Variants in ZNF717 observed in about 807,000 individuals in gnomAD.
ZNF717 encodes krueppel-like factor X17.
A neutral mutation model predicts 13.8 loss-of-function variants in ZNF717; 9 were observed. The observed-to-expected ratio is 0.65, with a 90% confidence interval of 0.39 to 1.14. The LOEUF (loss-of-function observed/expected upper bound fraction) is 1.14. Ranked by LOEUF, ZNF717 falls within the 50% of genes most tolerant of loss-of-function variation. The probability of loss-of-function intolerance (pLI) is 0.01; values close to 1 mark genes in which losing one functional copy is unlikely to be tolerated. For synonymous variants in ZNF717, 327 were observed against 364.1 expected (o/e 0.90, Z 1.16); for missense variants, 1,040 against 1,080.7 (o/e 0.96, Z 0.53).
chr3:75,732,586 G>A (rs568722841), downstream of ZNF717, among the ~76,000 whole-genome samples: 563 of 152,020 alleles, frequency 3.7e-3, 1 homozygote, highest in South Asian at 6.0e-3. Context: ...AACATGAGAG[G>A]ACATATAGCT....
intron 4 of ZNF717, among the ~76,000 whole-genome samples, chr3:75,739,845 C>T (rs1188082291): frequency 6.6e-6 from 1 of 152,148 alleles, no homozygotes; most frequent in African/African-American, 2.4e-5. Context: ...CAGGATTTTG[C>T]CTATATGTTA....
chr3:75,758,179 T>C (rs1385970787), intron 2 of ZNF717, among the ~76,000 whole-genome samples: 1 of 148,730 alleles, frequency 6.7e-6, no homozygotes, highest in Admixed American at 6.7e-5. Flanking sequence ...CCCTCACAGA[T>C]GACACTGAGG....
intron 2 of ZNF717, among the ~76,000 whole-genome samples, chr3:75,774,019 C>T (rs1277640170): frequency 6.6e-6 from 1 of 152,018 alleles, no homozygotes; most frequent in Non-Finnish European, 1.5e-5. Flanking sequence ...CATTGCACTC[C>T]AGCCTGGGCA....
chr3:75,764,236 G>C (rs1257857063), intron 2 of ZNF717, among the ~76,000 whole-genome samples: 3 of 152,152 alleles, frequency 2.0e-5, no homozygotes, highest in African/African-American at 7.2e-5. Flanking sequence ...GCTACATGTA[G>C]GTTCCTTGGG....
downstream of ZNF717, among the ~76,000 whole-genome samples, chr3:75,707,086 C>T (rs1342186181): frequency 2.0e-5 from 3 of 152,308 alleles, no homozygotes; most frequent in African/African-American, 7.2e-5. Context: ...GTCACATTTA[C>T]TGCCTGAAGT....
At chr3:75,733,062 T>TA (rs112236867), downstream of ZNF717, among the ~76,000 whole-genome samples, 320 of 150,586 alleles carry the variant, frequency 2.1e-3, no homozygotes, top group African/African-American at 6.2e-3. Context: ...ACAGTAGAGA[T>TA]AAAAAAAATA....
intron 2 of ZNF717, among the ~76,000 whole-genome samples, chr3:75,755,149 A>C (rs1942356443): frequency 6.6e-6 from 1 of 152,220 alleles, no homozygotes; most frequent in African/African-American, 2.4e-5. Context: ...AAAAATAAAA[A>C]TTCAAGAAAC....
Position 75,770,380 on chromosome 3 carries a change from G to C in ZNF717, c.57+12926C>G, listed in dbSNP as rs147027845. ...GTTCGAGACCACCCTGATCAAAACAGAGAAACCCCATCTCTACTAAAAATA... is the reference window on the plus strand; with the variant it reads ...GTTCGAGACCACCCTGATCAAAACACAGAAACCCCATCTCTACTAAAAATA... On this transcript the variant is annotated intron_variant, in intron 2 of 4. Coordinates refer to ENST00000652011, the MANE Select transcript of ZNF717 (RefSeq NM_001290208.3). Among the ~76,000 whole-genome samples the C allele has an allele frequency of 1.0e-3, 157 of 152,194 alleles. 2 individuals are homozygous for C. Among genetic ancestry groups the C allele is most frequent in the African/African-American group, 3.4e-3 (142 of 41,528 alleles).
chr3:75,745,892 A>G (rs1353958533), intron 2 of ZNF717, among the ~76,000 whole-genome samples: 2 of 151,378 alleles, frequency 1.3e-5, no homozygotes, highest in Non-Finnish European at 2.9e-5. Flanking sequence ...TTTTTATTAT[A>G]CTTTAAGATC....
intron 3 of ZNF717, 116 bp from the exon 4 acceptor site, chr3:75,741,484 T>C: frequency 7.4e-7 from 1 of 1,354,744 alleles, no homozygotes; most frequent in East Asian, 2.5e-5. Context: ...GAACATTTCA[T>C]TAGAGTAGTG....
chr3:75,716,639 G>A (rs902311575), intron 4 of ZNF717: 2 of 152,104 alleles, frequency 1.3e-5, no homozygotes, highest in Non-Finnish European at 2.9e-5. Flanking sequence ...ACTGGTTCTG[G>A]GAGTAATTCC....
At chr3:75,721,976 G>A (rs80135401) in intron 4 of ZNF717, among the ~76,000 whole-genome samples, 3 of 151,868 alleles carry the variant, frequency 2.0e-5, no homozygotes, top group African/African-American at 7.3e-5. Context: ...TGCCGGGTGC[G>A]GTGGCTCACA....
chr3:75,764,066 G>A (rs1340102829), intron 2 of ZNF717, among the ~76,000 whole-genome samples: 2 of 152,188 alleles, frequency 1.3e-5, no homozygotes, highest in Non-Finnish European at 2.9e-5. Context: ...TCATTACAGA[G>A]AGACCCTACA....
At position 75,750,846 on chromosome 3, in the gene ZNF717, T is replaced by A. The variant is rs1334192669; in HGVS notation, c.58-9110A>T. Among the ~76,000 whole-genome samples, 7 of 149,990 alleles carry A rather than the reference T, an allele frequency of 4.7e-5. No homozygotes were observed. The South Asian group carries it at 1.5e-3, about 32-fold the overall frequency. Reference sequence around the variant, plus strand: ...GTGTTCTGAGTGTCTGTCCCTCACATAGGATTCCAGAAGACTGCTATGAGG... The same window carrying A: ...GTGTTCTGAGTGTCTGTCCCTCACAAAGGATTCCAGAAGACTGCTATGAGG... On this transcript the variant is annotated intron_variant, in intron 2 of 4. Coordinates refer to ENST00000652011, the MANE Select transcript of ZNF717 (RefSeq NM_001290208.3).
At chr3:75,724,558 T>C (rs1938238130) in intron 4 of ZNF717, among the ~76,000 whole-genome samples, 1 of 152,232 alleles carries the variant, frequency 6.6e-6, no homozygotes, top group South Asian at 2.1e-4. Flanking sequence ...CTCTATGAGT[T>C]CTTACCATTT....
chr3:75,766,861 C>A (rs1943509094), intron 2 of ZNF717, among the ~76,000 whole-genome samples: 1 of 152,222 alleles, frequency 6.6e-6, no homozygotes, highest in African/African-American at 2.4e-5. Context: ...GTCTGAAAAC[C>A]AAGTAATAAA....
At position 75,737,889 on chromosome 3, in the gene ZNF717, T is replaced by C. The variant is rs1939635156; in HGVS notation, c.1734A>G (p.Leu578=). 5 of 1,547,086 alleles carry C rather than the reference T, an allele frequency of 3.2e-6. No individual in the cohort carries two copies. The highest frequency in any genetic ancestry group is 4.4e-6 in the Non-Finnish European group (5 of 1,144,008). Residue 578 remains leucine, a synonymous_variant, in exon 5 of 5, where the codon CTA becomes CTG. Coordinates refer to ENST00000652011, the MANE Select transcript of ZNF717 (RefSeq NM_001290208.3). ...CGKSFHCKSF[L]TIHQRTHAGK... ...CAGCATGAGTTCTCTGATGTATAGT[T>C]AGGAATGACTTACAGTGAAAGGATT...
chr3:75,708,395 C>A (rs1379762394), downstream of ZNF717, among the ~76,000 whole-genome samples: 73 of 152,414 alleles, frequency 4.8e-4, no homozygotes, highest in African/African-American at 1.7e-3. Flanking sequence ...AACAGACCTG[C>A]AGCTGAGAGT....
intron 2 of ZNF717, among the ~76,000 whole-genome samples, chr3:75,781,770 A>C (rs1944840838): frequency 6.6e-6 from 1 of 152,182 alleles, no homozygotes; most frequent in Non-Finnish European, 1.5e-5. Flanking sequence ...AGTTCCCAGC[A>C]ATTTACTCAG....
Sources: gnomAD v4.1 joint callset for allele counts (sites outside exome capture counted in the v4.1 genomes callset) on GRCh38, gnomAD v4.1.1 for gene constraint, MANE v1.5 for transcripts, NCBI Gene and HGNC (gene_info 2026-07-23, HGNC 2026-07-21) for gene names.